DPP6: variants seen among roughly 807,000 people sequenced by gnomAD.
DPP6 encodes dipeptidyl peptidase like 6.
A neutral mutation model predicts 122.6 loss-of-function variants in DPP6; 69 were observed. The observed-to-expected ratio is 0.56, with a 90% CI of 0.46 to 0.69. The LOEUF is 0.69. Among genes scored for constraint, DPP6 ranks in the 30% least tolerant of loss-of-function variants. The pLI is 0.00. For missense variants in DPP6, 928 were observed against 1,116.9 expected (o/e 0.83, Z 2.41); for synonymous variants, 418 against 433.1 (o/e 0.97, Z 0.43).
At chr7:154,216,231 GGGC>G (rs1799986105) in intron 1 of DPP6, among the ~76,000 whole-genome samples, 2 of 151,552 alleles carry the variant, frequency 1.3e-5, no homozygotes, top group Admixed American at 1.3e-4. Flanking sequence ...ATCAGGGACA[GGGC>G]AAGCCTCTTG....
At chr7:154,644,178 G>A (rs10230655) in intron 6 of DPP6, among the ~76,000 whole-genome samples, 25 of 152,034 alleles carry the variant, frequency 1.6e-4, no homozygotes, top group Admixed American at 5.9e-4. Context: ...AACAGTAGGC[G>A]CAGATTAGTT....
rs1833471157 is a variant in DPP6 at position 154,603,175 on chromosome 7, T to A, written c.628-34646T>A. 1.7e-5 allele frequency among the ~76,000 whole-genome samples: 2 copies of A among 119,932 alleles called. 1 individual carries two copies. The highest frequency in any genetic ancestry group is 1.9e-4 in the Admixed American group (2 of 10,616). 78.7% of individuals were successfully genotyped at this position (119,932 alleles called of 152,430 possible). On this transcript the variant is annotated intron_variant, in intron 5 of 25. Transcript: ENST00000377770. Reference sequence around the variant, plus strand: ...CTCATTCAAGATTTTATCTTTATCTTTGATTTTCAGCAGTTTGAATACAAT... The same window carrying A: ...CTCATTCAAGATTTTATCTTTATCTATGATTTTCAGCAGTTTGAATACAAT...
chr7:154,080,651 C>T (rs182172846), intron 1 of DPP6, among the ~76,000 whole-genome samples: 2 of 152,292 alleles, frequency 1.3e-5, no homozygotes, highest in Non-Finnish European at 1.5e-5. Flanking sequence ...AAGGTCATAC[C>T]TCCGTCTGTA....
At chr7:154,348,098 C>T (rs532929452) in intron 1 of DPP6, among the ~76,000 whole-genome samples, 4 of 152,142 alleles carry the variant, frequency 2.6e-5, no homozygotes, top group Non-Finnish European at 2.9e-5. Flanking sequence ...ACCCCCACCT[C>T]CTGATGCTGC....
intron 16 of DPP6, among the ~76,000 whole-genome samples, chr7:154,840,982 A>T (rs529308967): frequency 1.3e-5 from 2 of 152,282 alleles, no homozygotes; most frequent in African/African-American, 4.8e-5. Flanking sequence ...TGGGATGCAA[A>T]GTTGTACAAA....
rs564914867 is a variant in DPP6, at chr7:154,030,350, C to G, written c.51+142616C>G. Reference sequence around the variant, plus strand: ...CCTTTGTCCAGTGCTGTGGAAGGCCCCAGAGGAGGCTTCTGTGGGGTGGTG... The same window carrying G: ...CCTTTGTCCAGTGCTGTGGAAGGCCGCAGAGGAGGCTTCTGTGGGGTGGTG... On this transcript the variant is annotated intron_variant, in intron 1 of 25. Transcript: ENST00000404039. 4.0e-4 allele frequency among the ~76,000 whole-genome samples: 61 copies of G among 152,174 alleles called. No homozygotes were observed. In the Middle Eastern group the frequency reaches 0.014, roughly 34 times the overall value.
At chr7:154,781,180 AGATG>A (rs1334959935) in intron 10 of DPP6, among the ~76,000 whole-genome samples, 3 of 151,950 alleles carry the variant, frequency 2.0e-5, no homozygotes, top group Non-Finnish European at 1.5e-5. Flanking sequence ...AATGAACAGT[AGATG>A]GATGGATGGA....
intron 1 of DPP6, among the ~76,000 whole-genome samples, chr7:154,014,486 C>G (rs1015479188): frequency 1.5e-4 from 23 of 151,100 alleles, no homozygotes; most frequent in Admixed American, 1.2e-3. Flanking sequence ...GAAACCCCAG[C>G]TCTACTAAAA....
chr7:154,801,362 A>AAC lies in DPP6; in HGVS notation c.1308_1309dup (p.Pro437HisfsTer52). 4 of 1,586,010 alleles carry AAC rather than the reference A, an allele frequency of 2.5e-6. No individual in the cohort carries two copies. Among genetic ancestry groups the AAC allele is most frequent in the Non-Finnish European group, 3.4e-6 (4 of 1,164,634 alleles). The stretch of plus-strand genomic sequence containing the variant: ...CGTGGCCTTTGTCCACAGAATGAAG[A>AAC]ACCTGTGTTCTCCAAGGATGGCCGA... On this transcript the variant is annotated frameshift_variant, in exon 13 of 26. Transcript: ENST00000377770. LOFTEE classifies it high-confidence loss of function.
At chr7:154,075,985 A>G (rs1401121116) in intron 1 of DPP6, among the ~76,000 whole-genome samples, 2 of 151,734 alleles carry the variant, frequency 1.3e-5, no homozygotes, top group Non-Finnish European at 1.5e-5. Flanking sequence ...AAAAGTTTCA[A>G]TATATAGGCT....
At chr7:154,802,267 T>A in intron 13 of DPP6, among the ~76,000 whole-genome samples, 1 of 152,128 alleles carries the variant, frequency 6.6e-6, no homozygotes, top group East Asian at 1.9e-4. Flanking sequence ...AGGCTCATAT[T>A]TATGATGAGG....
At chr7:153,867,555 G>A in the DPP6 span, among the ~76,000 whole-genome samples, 4 of 152,252 alleles carry the variant, frequency 2.6e-5, no homozygotes, top group Non-Finnish European at 5.9e-5. Context: ...TTTGGGCTGA[G>A]ACAATGGGGT....
At chr7:154,512,275 G>T (rs1203796834) in intron 3 of DPP6, among the ~76,000 whole-genome samples, 1 of 152,136 alleles carries the variant, frequency 6.6e-6, no homozygotes. Flanking sequence ...TCCTGTCACA[G>T]AAATGATTAT....
chr7:154,626,964 T>C (rs1284191577), intron 5 of DPP6, among the ~76,000 whole-genome samples: 1 of 151,130 alleles, frequency 6.6e-6, no homozygotes, highest in Non-Finnish European at 1.5e-5. Flanking sequence ...TTACTAAATA[T>C]TTCAAATTTT....
chr7:153,937,636 TG>T (rs1483501090), intron 1 of DPP6, among the ~76,000 whole-genome samples: 33 of 151,988 alleles, frequency 2.2e-4, no homozygotes, highest in Non-Finnish European at 1.3e-4. Context: ...TTAATAGAGA[TG>T]GGGTTTCACC....
At chr7:154,550,090 CAATT>C (rs998237335) in intron 4 of DPP6, among the ~76,000 whole-genome samples, 3 of 152,102 alleles carry the variant, frequency 2.0e-5, no homozygotes, top group South Asian at 2.1e-4. Context: ...AATTATGTAA[CAATT>C]ATTTATAAAA....
Position 154,607,326 on chromosome 7 carries a change from G to A in DPP6, c.628-30495G>A, listed in dbSNP as rs185361364. 1.6e-3 allele frequency among the ~76,000 whole-genome samples: 184 copies of A among 117,834 alleles called. 53 individuals carry two copies. Among genetic ancestry groups the A allele is most frequent in the Non-Finnish European group, 2.7e-3 (144 of 52,736 alleles). The allele number at this position is 117,834 out of a possible 152,430, so 77.3% of individuals were successfully genotyped here. A position where few individuals can be genotyped will look rare whatever the true frequency, so the allele number is the denominator to read the frequency against. On this transcript the variant is annotated intron_variant, in intron 5 of 25. Coordinates refer to ENST00000377770, the MANE Select transcript of DPP6 (RefSeq NM_130797.4). ...TATAATCCCAGCACTTTGGGAGGCC[G>A]AGGCAGGCGGATCACGAGGTTAGGA...
chr7:154,856,339 C>A (rs1231009920), intron 17 of DPP6, among the ~76,000 whole-genome samples: 1 of 152,154 alleles, frequency 6.6e-6, no homozygotes, highest in Non-Finnish European at 1.5e-5. Context: ...GTGATCAGTC[C>A]TTGGGGCTCC....
chr7:153,993,765 C>T (rs1258985998), intron 1 of DPP6, among the ~76,000 whole-genome samples: 2 of 152,170 alleles, frequency 1.3e-5, no homozygotes, highest in African/African-American at 4.8e-5. Flanking sequence ...TCTCATCTTC[C>T]CCAGATCTCT....
Sources: allele counts gnomAD v4.1 joint callset (sites outside exome capture counted in the v4.1 genomes callset), GRCh38; gene constraint gnomAD v4.1.1; transcripts MANE v1.5; gene names NCBI Gene and HGNC (gene_info 2026-07-23, HGNC 2026-07-21).